The following PDCD11 variants were observed in gnomAD, a reference collection of about 807,000 sequenced individuals.
PDCD11 encodes protein RRP5 homolog.
A neutral mutation model predicts 198.9 loss-of-function variants in PDCD11; 97 were observed. The ratio of observed to expected loss-of-function variants is 0.49; its 90% confidence interval spans 0.41 to 0.58. PDCD11 has a LOEUF of 0.58. Ranked by LOEUF, PDCD11 falls within the 20% of genes least tolerant of loss-of-function variation. PDCD11 has a pLI of 0.00. For synonymous variants in PDCD11, 893 were observed against 918.0 expected (o/e 0.97, Z 0.49); for missense variants, 2,102 against 2,312.7 (o/e 0.91, Z 1.87).
rs1326781250 is a variant in PDCD11 at position 103,444,037 on chromosome 10, G to A, written c.5247G>A (p.Gln1749=). The change falls in exon 34 of 36, where the codon CAG becomes CAA. Residue 1749 remains glutamine (Q), a synonymous_variant. Coordinates refer to ENST00000369797, the MANE Select transcript of PDCD11 (RefSeq NM_014976.2). ...CTGCAGCCAGTCACCGCGTGCTGCA[G>A]CGAGCCCTGGAGTGCCTGCCTAGCA... The part of the protein sequence containing the change: ...SQAAASHRVL[Q]RALECLPSKE... 3 of 1,612,374 alleles carry A rather than the reference G, an allele frequency of 1.9e-6. No homozygotes were observed. The African/African-American group carries it at 4.0e-5, about 22-fold the overall frequency.
intron 28 of PDCD11, 149 bp downstream of exon 28, chr10:103,440,017 C>T: frequency 9.7e-7 from 1 of 1,032,884 alleles, no homozygotes; most frequent in Admixed American, 2.5e-5. Flanking sequence ...TTGGAACCTT[C>T]TCCCCCAGTG....
In PDCD11 at chr10:103,427,361, G is replaced by A. The variant is rs370395268; in HGVS notation, c.3338G>A (p.Arg1113Gln). 2.0e-5 allele frequency: 33 copies of A among 1,612,770 alleles called. No individual in the cohort carries two copies. Among genetic ancestry groups the A allele is most frequent in the Admixed American group, 3.3e-5 (2 of 59,886 alleles). ...YLPISHPRFV[R>Q]TIPELSVRPS... The stretch of plus-strand genomic sequence containing the variant: ...CCAATAAGTCACCCCAGATTCGTTC[G>A]AACCATCCCGGAGCTGAGTGTTCGG... The change falls in exon 21 of 36, where the codon CGA becomes CAA. Residue 1113 changes from arginine (R) to glutamine (Q), a missense_variant. By Grantham distance (43) the Arg-to-Gln change is conservative. Transcript: ENST00000369797.
Position 103,439,767 on chromosome 10 carries a change from T to C in PDCD11, c.4047T>C (p.Gly1349=). The C allele has an allele frequency of 6.2e-7, 1 of 1,614,128 alleles. No individual in the cohort carries two copies. Among genetic ancestry groups the C allele is most frequent in the Non-Finnish European group, 8.5e-7 (1 of 1,180,020 alleles). ...VFFRLGPSVV[G]LARYSHVSQH... is the part of the protein sequence containing the mutation. ...TCAGCCTTGGCCCCTCCGTTGTGGG[T>C]TTGGCTCGGTACTCCCATGTCTCCC... Residue 1349 remains glycine, a synonymous_variant, in exon 28 of 36, where the codon GGT becomes GGC. Transcript: ENST00000369797.
chr10:103,440,322 C>T lies in PDCD11; in HGVS notation c.4181C>T (p.Ser1394Phe). 1 of 1,614,118 alleles carries T rather than the reference C, an allele frequency of 6.2e-7. No homozygotes were observed. The highest frequency in any genetic ancestry group is 8.5e-7 in the Non-Finnish European group (1 of 1,180,000). ...CACCAGAAGAACCTGGTAGAGCTGT[C>T]TTTCCTCCCCGGAGACACTGGGAAG... is the stretch of plus-strand genomic sequence containing the variant. ...LNHQKNLVEL[S>F]FLPGDTGKPD... is the part of the protein sequence containing the mutation. Residue 1394 changes from serine to phenylalanine, a missense_variant, in exon 29 of 36, where the codon TCT (serine) becomes TTT (phenylalanine). Physicochemically the swap from Ser to Phe is radical, Grantham distance 155. Transcript: ENST00000369797.
intron 21 of PDCD11, among the ~76,000 whole-genome samples, chr10:103,428,786 G>A (rs2031806416): frequency 6.6e-6 from 1 of 152,162 alleles, no homozygotes; most frequent in Non-Finnish European, 1.5e-5. Context: ...CAGAGTGGGG[G>A]TACTTGGCTG....
At chr10:103,420,170 A>G (rs2031346062) in intron 16 of PDCD11, among the ~76,000 whole-genome samples, 3 of 151,982 alleles carry the variant, frequency 2.0e-5, no homozygotes, top group Admixed American at 6.6e-5. Flanking sequence ...GGCACCTGGG[A>G]GGGGTGAGTG....
intron 16 of PDCD11, among the ~76,000 whole-genome samples, chr10:103,420,820 G>A (rs1445262589): frequency 6.6e-6 from 1 of 152,102 alleles, no homozygotes; most frequent in African/African-American, 2.4e-5. Context: ...GTGCCTTCTT[G>A]ACTGGGTGCC....
Position 103,414,061 on chromosome 10 carries a change from G to T in PDCD11, c.1281G>T (p.Met427Ile), listed in dbSNP as rs774759962. 3 of 1,613,222 alleles carry T rather than the reference G, an allele frequency of 1.9e-6. No homozygotes were observed. Among genetic ancestry groups the T allele is most frequent in the Admixed American group, 1.7e-5 (1 of 59,906 alleles). Reference protein sequence around the residue: ...HKCRIIDYSQMDELALLSLRT... With the variant: ...HKCRIIDYSQIDELALLSLRT... The stretch of plus-strand genomic sequence containing the variant: ...GTAGAATTATTGACTACAGCCAAAT[G>T]GATGAACTGGCCTTGCTCTCTCTAC... Residue 427 changes from methionine (M) to isoleucine (I), a missense_variant, in exon 10 of 36, where the codon ATG becomes ATT. Physicochemically the swap from Met to Ile is conservative, Grantham distance 10 (BLOSUM62 1). Transcript: ENST00000369797.
At chr10:103,440,224 C>T (rs1021400254) in intron 28 of PDCD11, 66 bp from the exon 29 acceptor site, 3 of 1,540,868 alleles carry the variant, frequency 1.9e-6, no homozygotes, top group Non-Finnish European at 2.6e-6. Flanking sequence ...GGAAAAAGGC[C>T]TGGGCCGCCT....
chr10:103,440,293 T>C lies in PDCD11; in HGVS notation c.4152T>C (p.Leu1384=). 1.2e-6 allele frequency: 2 copies of C among 1,612,584 alleles called. No homozygotes were observed. Among genetic ancestry groups the C allele is most frequent in the Non-Finnish European group, 1.7e-6 (2 of 1,179,458 alleles). ...TCCCCATCTTGCTCTGTCATAGCCT[T>C]AACCACCAGAAGAACCTGGTAGAGC... The part of the protein sequence containing the change: ...GKLLTARVLR[L]NHQKNLVELS... The change falls in exon 29 of 36, where the codon CTT becomes CTC. Residue 1384 remains leucine, a synonymous_variant. Coordinates refer to ENST00000369797, the MANE Select transcript of PDCD11 (RefSeq NM_014976.2).
intron 11 of PDCD11, 105 bp from the exon 12 acceptor site, chr10:103,414,900 C>A (rs2031015834): frequency 2.6e-6 from 3 of 1,160,824 alleles, no homozygotes; most frequent in African/African-American, 1.5e-5. Flanking sequence ...GCACAGTTAG[C>A]CCAGGAAGTT....
chr10:103,424,230 A>G (rs1464151300), intron 19 of PDCD11, among the ~76,000 whole-genome samples: 1 of 152,208 alleles, frequency 6.6e-6, no homozygotes, highest in African/African-American at 2.4e-5. Context: ...TTTGTGTGAC[A>G]TAAGAATGGG....
At chr10:103,406,970 TAAA>T (rs2030493838) in intron 7 of PDCD11, among the ~76,000 whole-genome samples, 180 bp downstream of exon 7, 1 of 152,254 alleles carries the variant, frequency 6.6e-6, no homozygotes, top group Non-Finnish European at 1.5e-5. Context: ...TATATTAGGT[TAAA>T]AAACTATACT....
chr10:103,401,944 A>T (rs909084350), intron 3 of PDCD11, among the ~76,000 whole-genome samples: 1 of 152,120 alleles, frequency 6.6e-6, no homozygotes, highest in Non-Finnish European at 1.5e-5. Context: ...GGGCTTTACC[A>T]TGTTAGCCAG....
At chr10:103,434,400 G>T (rs1377183405) in intron 24 of PDCD11, 50 bp downstream of exon 24, 1 of 1,180,494 alleles carries the variant, frequency 8.5e-7, no homozygotes, top group South Asian at 1.2e-5. Context: ...GGCAGGAAGG[G>T]GTGGGATGGG....
intron 21 of PDCD11, 30 bp downstream of exon 21, chr10:103,427,421 C>G: frequency 6.4e-7 from 1 of 1,562,516 alleles, no homozygotes; most frequent in Non-Finnish European, 8.8e-7. Flanking sequence ...CACTGTCTTA[C>G]GGAAAGAGCA....
intron 17 of PDCD11, among the ~76,000 whole-genome samples, chr10:103,421,844 G>A (rs1168241989): frequency 1.3e-5 from 2 of 150,722 alleles, no homozygotes; most frequent in Non-Finnish European, 3.0e-5. Context: ...GCGGGCGCCT[G>A]TAGTCCCAGC....
intron 1 of PDCD11, among the ~76,000 whole-genome samples, chr10:103,397,491 G>A (rs1161980714): frequency 6.6e-6 from 1 of 152,074 alleles, no homozygotes; most frequent in East Asian, 1.9e-4. Flanking sequence ...GTTGGAGTGC[G>A]GCGGCATGAT....
At position 103,423,568 on chromosome 10, in the gene PDCD11, AAAG is replaced by A. The variant is rs1338401702; in HGVS notation, c.2677_2679del (p.Lys893del). 4 of 1,613,966 alleles carry A rather than the reference AAAG, an allele frequency of 2.5e-6. No individual in the cohort carries two copies. The highest frequency in any genetic ancestry group is 1.3e-5 in the African/African-American group (1 of 75,044). ...GGCAGGAGGTGGAATCTGGGCAGAAAAAGAAGGTTGTTATCTTAAATGTTGATC... is the reference window on the plus strand; with the variant it reads ...GGCAGGAGGTGGAATCTGGGCAGAAAAAGGTTGTTATCTTAAATGTTGATC... On this transcript the variant is annotated inframe_deletion, in exon 19 of 36. Transcript: ENST00000369797.
Sources: allele counts gnomAD v4.1 joint callset (sites outside exome capture counted in the v4.1 genomes callset), GRCh38; gene constraint gnomAD v4.1.1; transcripts MANE v1.5; gene names NCBI Gene and HGNC (gene_info 2026-07-23, HGNC 2026-07-21).